Variants in SDK1 observed in about 807,000 individuals in gnomAD.
The protein encoded by SDK1 is sidekick cell adhesion molecule 1.
Under a neutral mutation model 245.5 loss-of-function variants are expected in SDK1, and 157 were observed. The observed-to-expected ratio is 0.64, with a 90% CI of 0.56 to 0.73. The LOEUF (loss-of-function observed/expected upper bound fraction) is 0.73. Among genes scored for constraint, SDK1 ranks in the 30% least tolerant of loss-of-function variants. The pLI, the probability that SDK1 is intolerant of heterozygous loss-of-function variation, is 0.00. For missense variants in SDK1, 3,583 were observed against 3,002.3 expected, an observed-to-expected ratio of 1.19 and a Z score of -4.52; for synonymous variants, 1,647 against 1,278.5, an observed-to-expected ratio of 1.29 and a Z score of -6.15.
intron 4 of SDK1, among the ~76,000 whole-genome samples, chr7:3,737,021 G>C (rs1387856269): frequency 6.6e-6 from 1 of 152,198 alleles, no homozygotes; most frequent in Non-Finnish European, 1.5e-5. Flanking sequence ...AGATCATACA[G>C]TATTTGTCTC....
chr7:4,001,799 C>G (rs1181945818), intron 14 of SDK1, among the ~76,000 whole-genome samples: 1 of 152,212 alleles, frequency 6.6e-6, no homozygotes, highest in African/African-American at 2.4e-5. Flanking sequence ...TCTATGAAGT[C>G]TTTGTCTGGC....
intron 1 of SDK1, among the ~76,000 whole-genome samples, chr7:3,320,811 C>G (rs1366068914): frequency 6.6e-6 from 1 of 151,942 alleles, no homozygotes; most frequent in East Asian, 1.9e-4. Context: ...TAGTGATAAG[C>G]TTGACCAAAA....
intron 5 of SDK1, among the ~76,000 whole-genome samples, chr7:3,833,543 T>C (rs566383974): frequency 9.8e-5 from 15 of 152,318 alleles, no homozygotes; most frequent in Admixed American, 4.6e-4. Context: ...GATTTATATA[T>C]ATCAGAGACT....
chr7:3,849,399 C>G (rs376230001), intron 5 of SDK1, among the ~76,000 whole-genome samples: 245 of 152,320 alleles, frequency 1.6e-3, no homozygotes, highest in African/African-American at 5.5e-3. Context: ...GCCCAGGACA[C>G]AGAGTTTAGA....
chr7:3,456,034 C>T (rs551231452), intron 1 of SDK1, among the ~76,000 whole-genome samples: 10 of 152,284 alleles, frequency 6.6e-5, no homozygotes, highest in African/African-American at 2.2e-4. Context: ...CCTTTTCTTT[C>T]AGCACTTGAA....
intron 4 of SDK1, among the ~76,000 whole-genome samples, chr7:3,799,604 C>T (rs1417491810): frequency 1.3e-5 from 2 of 149,816 alleles, no homozygotes; most frequent in African/African-American, 4.9e-5. Context: ...ACTCGGGAGG[C>T]TGAGGCAGGA....
intron 44 of SDK1, among the ~76,000 whole-genome samples, chr7:4,246,375 A>G (rs570194381): frequency 2.6e-5 from 4 of 152,146 alleles, no homozygotes; most frequent in African/African-American, 9.6e-5. Context: ...AAGATCAGTA[A>G]CTTTCCCAGT....
intron 1 of SDK1, among the ~76,000 whole-genome samples, chr7:3,416,291 G>C (rs1015834960): frequency 9.9e-5 from 15 of 152,142 alleles, no homozygotes; most frequent in Non-Finnish European, 7.4e-5. Context: ...TCAGGGAGGA[G>C]TTGGTCTCAC....
intron 1 of SDK1, among the ~76,000 whole-genome samples, chr7:3,581,643 T>A (rs1472410825): frequency 2.6e-5 from 4 of 152,246 alleles, no homozygotes; most frequent in Non-Finnish European, 4.4e-5. Context: ...ATCCCATTAA[T>A]GGGTATATAC....
chr7:3,482,912 A>G (rs1320937341), intron 1 of SDK1, among the ~76,000 whole-genome samples: 1 of 152,188 alleles, frequency 6.6e-6, no homozygotes, highest in East Asian at 1.9e-4. Context: ...GTGCTAAGTA[A>G]ACGTTAGCTA....
chr7:3,859,815 A>G (rs1780644955), intron 5 of SDK1, among the ~76,000 whole-genome samples: 1 of 152,238 alleles, frequency 6.6e-6, no homozygotes, highest in Non-Finnish European at 1.5e-5. Context: ...AAATAGGTGA[A>G]ACATATACAT....
intron 41 of SDK1, among the ~76,000 whole-genome samples, chr7:4,234,555 G>A (rs751310655): frequency 1.1e-4 from 16 of 152,262 alleles, no homozygotes; most frequent in South Asian, 2.1e-4. Flanking sequence ...CTGAAGAGCC[G>A]TGGGTGGGGG....
intron 5 of SDK1, among the ~76,000 whole-genome samples, chr7:3,906,017 C>T (rs531668684): frequency 6.6e-6 from 1 of 152,138 alleles, no homozygotes; most frequent in South Asian, 2.1e-4. Context: ...AGCATATTTG[C>T]ATCTTCTCAT....
At chr7:4,107,020 G>A (rs915753725) in intron 22 of SDK1, among the ~76,000 whole-genome samples, 8 of 151,768 alleles carry the variant, frequency 5.3e-5, no homozygotes, top group African/African-American at 1.9e-4. Flanking sequence ...GGCCAGAGGA[G>A]GGCAGGGAGC....
intron 22 of SDK1, among the ~76,000 whole-genome samples, chr7:4,080,848 A>T (rs974052120): frequency 1.3e-5 from 2 of 152,194 alleles, no homozygotes; most frequent in Admixed American, 6.5e-5. Context: ...CCTAAAACTT[A>T]AAGTATAATA....
At chr7:3,342,284 C>G (rs1238212217) in intron 1 of SDK1, among the ~76,000 whole-genome samples, 2 of 152,018 alleles carry the variant, frequency 1.3e-5, no homozygotes, top group Non-Finnish European at 2.9e-5. Context: ...TTGTAAAACT[C>G]TTAGGCAAAA....
intron 1 of SDK1, among the ~76,000 whole-genome samples, chr7:3,424,979 G>T (rs1779636193): frequency 6.6e-6 from 1 of 152,060 alleles, no homozygotes; most frequent in Non-Finnish European, 1.5e-5. Flanking sequence ...TTTTGAAGTA[G>T]CAGGGCTGAC....
At chr7:4,090,909 C>G (rs11979859) in intron 22 of SDK1, among the ~76,000 whole-genome samples, 43,672 of 152,040 alleles carry the variant, frequency 0.29, 7,843 homozygotes, top group African/African-American at 0.51. Context: ...TTTTCTACAT[C>G]TATCCGAGCC....
At chr7:3,680,942 A>C (rs984037965) in intron 4 of SDK1, among the ~76,000 whole-genome samples, 59 of 152,288 alleles carry the variant, frequency 3.9e-4, no homozygotes, top group African/African-American at 1.3e-3. Flanking sequence ...TCCCGGGTTC[A>C]AGCGATTCTC....
Sources: allele counts gnomAD v4.1 joint callset (sites outside exome capture counted in the v4.1 genomes callset), GRCh38; gene constraint gnomAD v4.1.1; transcripts MANE v1.5; gene names NCBI Gene and HGNC (gene_info 2026-07-23, HGNC 2026-07-21).